Variants in HDAC9 observed in about 807,000 individuals in gnomAD.
The protein encoded by HDAC9 is MEF-2 interacting transcription repressor (MITR) protein.
A neutral mutation model predicts 139.4 loss-of-function variants in HDAC9; 41 were observed. The ratio of observed to expected loss-of-function variants is 0.29; its 90% CI spans 0.23 to 0.38. HDAC9 has a LOEUF of 0.38. Among genes scored for constraint, HDAC9 ranks in the 10% least tolerant of loss-of-function variants. HDAC9 has a pLI of 1.00. For synonymous variants in HDAC9, 517 were observed against 476.2 expected (o/e 1.09, Z -1.12); for missense variants, 1,147 against 1,297.0 (o/e 0.88, Z 1.78).
chr7:18,175,779 C>A (rs955576865), intron 2 of HDAC9, among the ~76,000 whole-genome samples: 10 of 130,672 alleles, frequency 7.7e-5, no homozygotes, highest in Non-Finnish European at 1.7e-4. Flanking sequence ...CCCCCCCCCC[C>A]CTTTTTTTAG....
intron 21 of HDAC9, among the ~76,000 whole-genome samples, chr7:18,873,832 T>C (rs1799111102): frequency 6.6e-6 from 1 of 152,068 alleles, no homozygotes; most frequent in Admixed American, 6.6e-5. Flanking sequence ...AGGGAAGTGT[T>C]GAAGTGTCTG....
At chr7:18,314,711 G>A (rs1407842345) in intron 1 of HDAC9, among the ~76,000 whole-genome samples, 1 of 152,190 alleles carries the variant, frequency 6.6e-6, no homozygotes, top group Non-Finnish European at 1.5e-5. Flanking sequence ...ACTGGGTTGA[G>A]TTGTCATGGT....
At chr7:18,820,446 G>C (rs1271328173) in intron 17 of HDAC9, among the ~76,000 whole-genome samples, 1 of 152,152 alleles carries the variant, frequency 6.6e-6, no homozygotes, top group African/African-American at 2.4e-5. Context: ...CATTTTCACA[G>C]TTTCATCAAA....
At chr7:18,461,848 C>T (rs1290228166) in intron 1 of HDAC9, among the ~76,000 whole-genome samples, 7 of 152,014 alleles carry the variant, frequency 4.6e-5, no homozygotes, top group Non-Finnish European at 8.8e-5. Context: ...AGTCAGTTTC[C>T]TATGATGATA....
chr7:18,218,122 T>C (rs1309949456), intron 2 of HDAC9, among the ~76,000 whole-genome samples: 7 of 152,198 alleles, frequency 4.6e-5, no homozygotes, highest in Non-Finnish European at 1.0e-4. Context: ...AAGTGGAAGC[T>C]ACAATGTCTT....
At chr7:18,600,239 A>G (rs894339497) in intron 6 of HDAC9, among the ~76,000 whole-genome samples, 1 of 152,064 alleles carries the variant, frequency 6.6e-6, no homozygotes, top group African/African-American at 2.4e-5. Flanking sequence ...TTTTTCCTCA[A>G]TCAGTGGTTT....
intron 2 of HDAC9, among the ~76,000 whole-genome samples, chr7:18,581,256 A>G (rs1827740051): frequency 6.6e-6 from 1 of 152,148 alleles, no homozygotes; most frequent in Admixed American, 6.6e-5. Context: ...TGCTGAATAA[A>G]TTGGATGAAA....
chr7:18,198,283 T>A (rs538476434), intron 2 of HDAC9, among the ~76,000 whole-genome samples: 74 of 152,256 alleles, frequency 4.9e-4, no homozygotes, highest in African/African-American at 1.7e-3. Flanking sequence ...CCATTTTATA[T>A]AGCATTAAGT....
intron 1 of HDAC9, among the ~76,000 whole-genome samples, chr7:18,131,002 C>T (rs1381521519): frequency 2.0e-5 from 3 of 152,154 alleles, no homozygotes; most frequent in South Asian, 2.1e-4. Flanking sequence ...TTCTTATAAT[C>T]GAGTGTTTAG....
chr7:18,378,374 A>G (rs1785163025), intron 1 of HDAC9, among the ~76,000 whole-genome samples: 1 of 152,008 alleles, frequency 6.6e-6, no homozygotes, highest in Admixed American at 6.6e-5. Flanking sequence ...TATTTTTAAT[A>G]AATTATATAA....
chr7:18,379,783 T>C (rs1173847992), intron 1 of HDAC9, among the ~76,000 whole-genome samples: 1 of 152,214 alleles, frequency 6.6e-6, no homozygotes, highest in Admixed American at 6.5e-5. Context: ...TATTGGCAAA[T>C]AATTATAAGG....
intron 12 of HDAC9, among the ~76,000 whole-genome samples, chr7:18,726,487 A>C (rs1048196543): frequency 2.6e-5 from 4 of 152,180 alleles, no homozygotes; most frequent in African/African-American, 9.7e-5. Context: ...AATTACTAGA[A>C]TTAGACGTTT....
chr7:18,705,616 C>G (rs1052971103), intron 12 of HDAC9, among the ~76,000 whole-genome samples: 1 of 151,772 alleles, frequency 6.6e-6, no homozygotes, highest in Non-Finnish European at 1.5e-5. Context: ...TTTGGGAGGC[C>G]GAAACGGGCA....
chr7:18,500,093 A>G (rs988944361), intron 2 of HDAC9, among the ~76,000 whole-genome samples: 9 of 152,178 alleles, frequency 5.9e-5, no homozygotes, highest in Non-Finnish European at 8.8e-5. Context: ...AAATATAATT[A>G]TAAATGGGCT....
chr7:18,574,675 C>T (rs1203880177), intron 2 of HDAC9, among the ~76,000 whole-genome samples: 1 of 152,248 alleles, frequency 6.6e-6, no homozygotes, highest in African/African-American at 2.4e-5. Flanking sequence ...CCCACTCATG[C>T]TCTTTGGTGC....
At chr7:18,742,924 C>G (rs1215984797) in intron 13 of HDAC9, among the ~76,000 whole-genome samples, 1 of 152,102 alleles carries the variant, frequency 6.6e-6, no homozygotes, top group East Asian at 1.9e-4. Context: ...GCTTTGGTCT[C>G]TGATGTTATA....
chr7:18,719,331 C>CTTTTTTTTTTTTTTTTTTTTTTTTT lies in HDAC9; in HGVS notation c.1732-8247_1732-8223dup, dbSNP rs757689693. Among the ~76,000 whole-genome samples the CTTTTTTTTTTTTTTTTTTTTTTTTT allele has an allele frequency of 3.9e-4, 29 of 73,912 alleles. 2 individuals are homozygous for CTTTTTTTTTTTTTTTTTTTTTTTTT. The highest frequency in any genetic ancestry group is 1.1e-3 in the African/African-American group (17 of 15,204). The allele number at this position is 73,912 out of a possible 152,430, so 48.5% of individuals were successfully genotyped here. ...CTAATTAACCTATTTTTTTCTCTTC[C>CTTTTTTTTTTTTTTTTTTTTTTTTT]TTTTTTTTTTTTTTTTTTTTTTTTT... On this transcript the variant is annotated intron_variant, in intron 12 of 25. Coordinates refer to ENST00000686413, the MANE Select transcript of HDAC9 (RefSeq NM_178425.4).
intron 25 of HDAC9, among the ~76,000 whole-genome samples, chr7:18,994,444 T>C (rs536775501): frequency 9.2e-5 from 14 of 152,316 alleles, no homozygotes; most frequent in South Asian, 6.2e-4. Context: ...GACTCATTTA[T>C]CTTATGTACC....
chr7:18,505,064 A>G (rs1799387256), intron 2 of HDAC9, among the ~76,000 whole-genome samples: 2 of 152,200 alleles, frequency 1.3e-5, no homozygotes, highest in African/African-American at 2.4e-5. Flanking sequence ...AGTGCTAGAT[A>G]ATTAAATTCG....
Sources: allele counts gnomAD v4.1 joint callset (sites outside exome capture counted in the v4.1 genomes callset), GRCh38; gene constraint gnomAD v4.1.1; transcripts MANE v1.5; gene names NCBI Gene and HGNC (gene_info 2026-07-23, HGNC 2026-07-21).